Variants in DPP10 observed in about 807,000 individuals in gnomAD.
The protein encoded by DPP10 is inactive dipeptidyl peptidase 10.
Under a neutral mutation model 120.9 loss-of-function variants are expected in DPP10, and 33 were observed. The observed-to-expected ratio is 0.27, with a 90% confidence interval of 0.21 to 0.37. The LOEUF is 0.37. DPP10 is among the 10% of genes least tolerant of loss of function. DPP10 has a pLI of 1.00. For synonymous variants in DPP10, 337 were observed against 326.1 expected (o/e 1.03, Z -0.36); for missense variants, 816 against 942.8 (o/e 0.87, Z 1.76).
At chr2:115,287,455 T>A (rs2060449481) in intron 1 of DPP10, among the ~76,000 whole-genome samples, 1 of 152,038 alleles carries the variant, frequency 6.6e-6, no homozygotes, top group African/African-American at 2.4e-5. Context: ...CTGAACTTCT[T>A]TCCTCTGAGT....
intron 7 of DPP10, among the ~76,000 whole-genome samples, chr2:115,696,452 A>C (rs1261878846): frequency 6.6e-6 from 1 of 152,206 alleles, no homozygotes; most frequent in Non-Finnish European, 1.5e-5. Flanking sequence ...ATGTGTTCAA[A>C]ATTCTAAAAG....
At chr2:115,237,719 T>C (rs1393253764) in intron 1 of DPP10, among the ~76,000 whole-genome samples, 1 of 152,120 alleles carries the variant, frequency 6.6e-6, no homozygotes, top group Non-Finnish European at 1.5e-5. Context: ...ATTGCTGATA[T>C]GAAGAAAGTT....
chr2:114,739,046 A>G (rs1175649356), intron 1 of DPP10, among the ~76,000 whole-genome samples: 1 of 152,150 alleles, frequency 6.6e-6, no homozygotes, highest in Non-Finnish European at 1.5e-5. Flanking sequence ...CCCATTTCCT[A>G]GTTTGAGGTT....
chr2:114,652,255 G>A (rs1696645973), intron 1 of DPP10, among the ~76,000 whole-genome samples: 1 of 152,190 alleles, frequency 6.6e-6, no homozygotes, highest in East Asian at 1.9e-4. Flanking sequence ...GTTTTGATAA[G>A]TCTGGCCCAG....
At chr2:114,528,896 C>A (rs1241083428) in intron 1 of DPP10, among the ~76,000 whole-genome samples, 1 of 151,950 alleles carries the variant, frequency 6.6e-6, no homozygotes, top group African/African-American at 2.4e-5. Context: ...TACATATGGA[C>A]AATGGGAGGA....
At chr2:115,485,835 G>A (rs1035087112) in intron 3 of DPP10, among the ~76,000 whole-genome samples, 4 of 151,980 alleles carry the variant, frequency 2.6e-5, no homozygotes, top group African/African-American at 9.7e-5. Flanking sequence ...TTTAAATACA[G>A]CCACTTTTTC....
At chr2:114,609,894 G>A (rs1457788184) in intron 1 of DPP10, among the ~76,000 whole-genome samples, 1 of 152,188 alleles carries the variant, frequency 6.6e-6, no homozygotes, top group African/African-American at 2.4e-5. Context: ...AAAGCAACCA[G>A]TGAAGCCAAC....
intron 1 of DPP10, among the ~76,000 whole-genome samples, chr2:114,855,494 A>G (rs1015958546): frequency 6.6e-6 from 1 of 152,200 alleles, no homozygotes; most frequent in African/African-American, 2.4e-5. Context: ...ACTTTTTAAG[A>G]CTTCAAAATT....
chr2:115,450,318 G>A (rs1351003068), intron 3 of DPP10, among the ~76,000 whole-genome samples: 1 of 151,916 alleles, frequency 6.6e-6, no homozygotes, highest in Admixed American at 6.6e-5. Context: ...AAAATTCACA[G>A]TACATTGAAA....
intron 1 of DPP10, among the ~76,000 whole-genome samples, chr2:114,590,098 G>A (rs1691332805): frequency 6.6e-6 from 1 of 151,876 alleles, no homozygotes; most frequent in Non-Finnish European, 1.5e-5. Flanking sequence ...ATATATATGT[G>A]CATATGTTTA....
At chr2:115,035,042 G>A (rs1308298095) in intron 1 of DPP10, among the ~76,000 whole-genome samples, 1 of 152,212 alleles carries the variant, frequency 6.6e-6, no homozygotes, top group Non-Finnish European at 1.5e-5. Context: ...TGCCAGTCAT[G>A]CCACTTGGCA....
chr2:114,923,214 C>T (rs1298861546), intron 1 of DPP10, among the ~76,000 whole-genome samples: 1 of 147,388 alleles, frequency 6.8e-6, no homozygotes, highest in Non-Finnish European at 1.5e-5. Flanking sequence ...GACAGAGTGT[C>T]ACTCTGTCAC....
At chr2:115,166,524 A>ATT in intron 1 of DPP10, among the ~76,000 whole-genome samples, 1 of 142,128 alleles carries the variant, frequency 7.0e-6, no homozygotes, top group African/African-American at 2.6e-5. Context: ...TTATAATATA[A>ATT]ATATATATAT....
At chr2:114,989,553 C>T (rs1233276158) in intron 1 of DPP10, among the ~76,000 whole-genome samples, 1 of 152,106 alleles carries the variant, frequency 6.6e-6, no homozygotes, top group Admixed American at 6.5e-5. Context: ...AACACAATGA[C>T]GAATTTTGAG....
intron 1 of DPP10, among the ~76,000 whole-genome samples, chr2:114,673,498 A>G (rs1353005504): frequency 6.6e-6 from 1 of 151,776 alleles, no homozygotes; most frequent in African/African-American, 2.4e-5. Context: ...CACCTAGGCT[A>G]GAGTGCAGTA....
intron 1 of DPP10, among the ~76,000 whole-genome samples, chr2:114,503,295 GA>G (rs1683353865): frequency 6.6e-6 from 1 of 152,182 alleles, no homozygotes; most frequent in Non-Finnish European, 1.5e-5. Context: ...TTGATATAGG[GA>G]GATGTTCACC....
intron 1 of DPP10, among the ~76,000 whole-genome samples, chr2:115,243,391 C>T (rs1200061239): frequency 6.6e-6 from 1 of 151,898 alleles, no homozygotes; most frequent in African/African-American, 2.4e-5. Flanking sequence ...GGCTGCAAGT[C>T]AACAGTTCTA....
chr2:115,328,279 T>G (rs2062484635), intron 2 of DPP10, among the ~76,000 whole-genome samples: 1 of 152,126 alleles, frequency 6.6e-6, no homozygotes, highest in Non-Finnish European at 1.5e-5. Flanking sequence ...CTTACATACA[T>G]TTCTCATATT....
chr2:114,835,353 T>G (rs550937752), intron 1 of DPP10: 2 of 152,078 alleles, frequency 1.3e-5, no homozygotes, highest in East Asian at 3.9e-4. Context: ...TACACACCTA[T>G]GTATATATAA....
Sources: allele counts gnomAD v4.1 joint callset (sites outside exome capture counted in the v4.1 genomes callset), GRCh38; gene constraint gnomAD v4.1.1; transcripts MANE v1.5; gene names NCBI Gene and HGNC (gene_info 2026-07-23, HGNC 2026-07-21).